The following ARHGAP26 variants were observed in gnomAD, a reference collection of about 807,000 sequenced individuals.
The protein encoded by ARHGAP26 is Rho GTPase activating protein 26, also known as rho GTPase-activating protein 26.
In ARHGAP26, 38 loss-of-function variants were observed where a neutral mutation model predicts 104.8. The ratio of observed to expected loss-of-function variants is 0.36; its 90% CI spans 0.28 to 0.48. ARHGAP26 has a LOEUF of 0.48. Among genes scored for constraint, ARHGAP26 ranks in the 20% least tolerant of loss-of-function variants. The pLI is 0.99. For synonymous variants in ARHGAP26, 341 were observed against 340.0 expected, an observed-to-expected ratio of 1.00 and a Z score of -0.03; for missense variants, 704 against 947.9, an observed-to-expected ratio of 0.74 and a Z score of 3.38.
At chr5:143,071,081 G>C (rs770526268) in intron 17 of ARHGAP26, among the ~76,000 whole-genome samples, 1 of 152,184 alleles carries the variant, frequency 6.6e-6, no homozygotes, top group Non-Finnish European at 1.5e-5. Context: ...CAAAGCTGTA[G>C]TAACCAAAGC....
At chr5:143,183,261 G>A (rs1316732889) in intron 20 of ARHGAP26, among the ~76,000 whole-genome samples, 1 of 152,092 alleles carries the variant, frequency 6.6e-6, no homozygotes, top group African/African-American at 2.4e-5. Context: ...AAATGTCCTG[G>A]AAGGTTTTCT....
intron 5 of ARHGAP26, among the ~76,000 whole-genome samples, chr5:142,893,772 G>C (rs902899186): frequency 6.6e-6 from 1 of 152,056 alleles, no homozygotes; most frequent in Non-Finnish European, 1.5e-5. Flanking sequence ...CTTGATCATA[G>C]CCATTGTAAC....
At chr5:142,798,256 G>A (rs1010680111) in intron 1 of ARHGAP26, among the ~76,000 whole-genome samples, 3 of 152,052 alleles carry the variant, frequency 2.0e-5, no homozygotes, top group East Asian at 3.8e-4. Flanking sequence ...TGCATCTTCC[G>A]GCAACAGGAC....
intron 2 of ARHGAP26, among the ~76,000 whole-genome samples, chr5:142,874,303 C>T (rs1755764554): frequency 6.6e-6 from 1 of 152,192 alleles, no homozygotes; most frequent in African/African-American, 2.4e-5. Flanking sequence ...TCTATAGGCA[C>T]CTTGGTTGAC....
chr5:142,816,195 CTCA>C (rs925859993), intron 1 of ARHGAP26, among the ~76,000 whole-genome samples: 1 of 152,136 alleles, frequency 6.6e-6, no homozygotes, highest in Non-Finnish European at 1.5e-5. Flanking sequence ...TGAAGTTTGG[CTCA>C]TCATTAGATG....
chr5:142,815,150 G>A (rs1291036475), intron 1 of ARHGAP26, among the ~76,000 whole-genome samples: 2 of 152,026 alleles, frequency 1.3e-5, no homozygotes, highest in South Asian at 2.1e-4. Flanking sequence ...ACAGACCAGC[G>A]CTGCTACACC....
chr5:142,983,846 CTT>C (rs1207711472), intron 11 of ARHGAP26, among the ~76,000 whole-genome samples: 1 of 152,192 alleles, frequency 6.6e-6, no homozygotes, highest in African/African-American at 2.4e-5. Flanking sequence ...ACATGCATCC[CTT>C]TCCAGGTATT....
At chr5:143,088,978 TAGGTAATCGGAATGAGTCAGGGTGGAGC>T (rs1390093692) in intron 17 of ARHGAP26, among the ~76,000 whole-genome samples, 12 of 150,866 alleles carry the variant, frequency 8.0e-5, no homozygotes, top group Non-Finnish European at 1.6e-4. Context: ...TAGGGTGGAG[TAGGTAATCGGAATGAGTCAGGGTGGAGC>T]AGGTAATTGA....
chr5:143,046,643 GT>G lies in ARHGAP26; in HGVS notation c.1285+4757del, dbSNP rs144940451. Reference sequence around the variant, plus strand: ...TAGAATGCCTTCTGTGTGTCTGGGGGTTTTCCCCCCTGAATATTAAGTAAAG... The same window carrying G: ...TAGAATGCCTTCTGTGTGTCTGGGGGTTTCCCCCCTGAATATTAAGTAAAG... On this transcript the variant is annotated intron_variant, in intron 14 of 22. Transcript: ENST00000645722. 2.1e-3 allele frequency among the ~76,000 whole-genome samples: 314 copies of G among 152,288 alleles called. 5 individuals are homozygous for G. The East Asian group carries it at 0.041, about 20-fold the overall frequency.
intron 19 of ARHGAP26, among the ~76,000 whole-genome samples, chr5:143,142,394 C>T (rs963133527): frequency 2.6e-5 from 4 of 151,976 alleles, no homozygotes; most frequent in Admixed American, 1.3e-4. Flanking sequence ...CCTGCCTCGG[C>T]CTCCCAAAGT....
Position 142,821,041 on chromosome 5 carries a change from C to T in ARHGAP26, c.154+50126C>T, listed in dbSNP as rs964064971. ...GCAGACAGGATGCCAGGAATGAGGA[C>T]TCCTTGAGGTGGAACTCAAGTGGAA... On this transcript the variant is annotated intron_variant, in intron 1 of 22. Coordinates refer to ENST00000645722, the MANE Select transcript of ARHGAP26 (RefSeq NM_001135608.3). Among the ~76,000 whole-genome samples the T allele has an allele frequency of 3.3e-5, 5 of 152,228 alleles. No individual in the cohort carries two copies. The South Asian group carries it at 1.0e-3, about 32-fold the overall frequency.
intron 1 of ARHGAP26, among the ~76,000 whole-genome samples, chr5:142,844,877 CTT>C (rs1377986476): frequency 6.6e-6 from 1 of 151,146 alleles, no homozygotes; most frequent in African/African-American, 2.4e-5. Flanking sequence ...AAAAAGAACT[CTT>C]TTAATTGATT....
Position 143,223,124 on chromosome 5 carries a change from C to G in ARHGAP26, c.*678C>G, listed in dbSNP as rs1186945759. ...CCCTCCCAGGCTAGGAACCTCTCTG[C>G]CACCAAGGGCTGCCATCCATCGCCT... On this transcript the variant is annotated 3_prime_UTR_variant, in exon 23 of 23. Transcript: ENST00000645722. 1 of 233,514 alleles carries G rather than the reference C, an allele frequency of 4.3e-6. No individual in the cohort carries two copies. Among genetic ancestry groups the G allele is most frequent in the Non-Finnish European group, 8.5e-6 (1 of 117,994 alleles). 14.5% of individuals were successfully genotyped at this position (233,514 alleles called of 1,614,324 possible).
chr5:142,902,108 T>G (rs754301610), intron 7 of ARHGAP26, 69 bp downstream of exon 7: 1 of 1,383,374 alleles, frequency 7.2e-7, no homozygotes, highest in Non-Finnish European at 1.0e-6. Flanking sequence ...CTGATTGCCC[T>G]AGAAACCATC....
intron 20 of ARHGAP26, among the ~76,000 whole-genome samples, chr5:143,174,508 G>A (rs146108546): frequency 5.1e-4 from 77 of 152,294 alleles, no homozygotes; most frequent in African/African-American, 1.7e-3. Context: ...AGGGAAGGAA[G>A]AGTTATTTTT....
intron 11 of ARHGAP26, among the ~76,000 whole-genome samples, chr5:142,936,218 A>G (rs1765403052): frequency 6.6e-6 from 1 of 152,032 alleles, no homozygotes; most frequent in South Asian, 2.1e-4. Context: ...AAAATCAATC[A>G]TATTTCTGTA....
chr5:143,023,602 A>T (rs1264039462), intron 12 of ARHGAP26, among the ~76,000 whole-genome samples: 1 of 152,202 alleles, frequency 6.6e-6, no homozygotes, highest in Non-Finnish European at 1.5e-5. Context: ...GGAGGCAGCC[A>T]CCGGTAACCA....
chr5:142,881,522 A>G (rs141874731), intron 4 of ARHGAP26, among the ~76,000 whole-genome samples: 5 of 152,290 alleles, frequency 3.3e-5, no homozygotes, highest in African/African-American at 1.2e-4. Flanking sequence ...CTATTCTCCT[A>G]TTCATTAAAC....
chr5:142,999,884 G>A (rs150086010), intron 11 of ARHGAP26, among the ~76,000 whole-genome samples: 460 of 152,106 alleles, frequency 3.0e-3, no homozygotes, highest in Non-Finnish European at 4.7e-3. Flanking sequence ...TCTGACAAAG[G>A]ACATATCCAG....
Sources: gnomAD v4.1 joint callset for allele counts (sites outside exome capture counted in the v4.1 genomes callset) on GRCh38, gnomAD v4.1.1 for gene constraint, MANE v1.5 for transcripts, NCBI Gene and HGNC (gene_info 2026-07-23, HGNC 2026-07-21) for gene names.